YWHAH: variants seen among roughly 807,000 people sequenced by gnomAD.
The protein encoded by YWHAH is 14-3-3 protein eta.
Under a neutral mutation model 22.9 loss-of-function variants are expected in YWHAH, and 6 were observed. That is an observed-to-expected ratio of 0.26 (90% CI 0.14 to 0.52). The LOEUF (loss-of-function observed/expected upper bound fraction) is 0.52, where lower values mean the gene tolerates loss of function less well. Among genes scored for constraint, YWHAH ranks in the 20% least tolerant of loss-of-function variants. YWHAH has a pLI of 0.97. For missense variants in YWHAH, 173 were observed against 308.6 expected, an observed-to-expected ratio of 0.56 and a Z score of 3.29; for synonymous variants, 135 against 124.5, an observed-to-expected ratio of 1.08 and a Z score of -0.56.
chr22:31,950,668 G>A (rs1394766176), intron 1 of YWHAH, among the ~76,000 whole-genome samples: 2 of 152,138 alleles, frequency 1.3e-5, no homozygotes, highest in African/African-American at 2.4e-5. Flanking sequence ...ACCCGAACTT[G>A]CCTGCTCTGA....
In YWHAH at chr22:31,950,448, C is replaced by G. The variant is rs377462601; in HGVS notation, c.87+5628C>G. 2.2e-4 allele frequency: 168 copies of G among 776,594 alleles called. 1 individual carries two copies. The highest frequency in any genetic ancestry group is 5.9e-4 in the South Asian group (44 of 74,326). The allele number at this position is 776,594 out of a possible 1,614,324, so 48.1% of individuals were successfully genotyped here. ...GTGAGTGTTAGCACTTCCAATGATCCGAACCTGGCACAGCTTCTGAAGCCT... is the reference window on the plus strand; with the variant it reads ...GTGAGTGTTAGCACTTCCAATGATCGGAACCTGGCACAGCTTCTGAAGCCT... On this transcript the variant is annotated intron_variant, in intron 1 of 1. Transcript: ENST00000248975.
rs754302886 is a variant in YWHAH, at chr22:31,956,741, C to T, written c.690C>T (p.Leu230=). Residue 230 remains leucine, a synonymous_variant, in exon 2 of 2, where the codon CTC becomes CTT. Transcript: ENST00000248975. The surrounding 1 kb of genome is among the most constrained non-coding windows in gnomAD (Gnocchi z 5.1). ...TCATGCAGTTGCTGCGAGACAACCTCACCCTCTGGACGAGCGACCAGCAGG... is the reference window on the plus strand; with the variant it reads ...TCATGCAGTTGCTGCGAGACAACCTTACCCTCTGGACGAGCGACCAGCAGG... The part of the protein sequence containing the change: ...TLIMQLLRDN[L]TLWTSDQQDE... 2.5e-6 allele frequency: 4 copies of T among 1,612,670 alleles called. No individual in the cohort carries two copies. The highest frequency in any genetic ancestry group is 2.5e-6 in the Non-Finnish European group (3 of 1,179,320).
At chr22:31,953,271 C>G (rs184578817) in intron 1 of YWHAH, among the ~76,000 whole-genome samples, 1 of 152,104 alleles carries the variant, frequency 6.6e-6, no homozygotes, top group African/African-American at 2.4e-5. Context: ...TTGCCTTATG[C>G]TTTGTTTTAT....
intron 1 of YWHAH, among the ~76,000 whole-genome samples, chr22:31,948,650 C>T (rs1428374632): frequency 1.3e-5 from 2 of 152,168 alleles, no homozygotes; most frequent in African/African-American, 2.4e-5. Flanking sequence ...GCTGGGATTA[C>T]AGGAGTGAGC....
At chr22:31,944,970 C>T (rs2093831424) in intron 1 of YWHAH, 150 bp downstream of exon 1, 2 of 1,120,954 alleles carry the variant, frequency 1.8e-6, no homozygotes, top group African/African-American at 1.6e-5. Context: ...GCCCGCGCTT[C>T]CCGCTCCCGC....
rs2093850645 is a variant in YWHAH at position 31,957,184 on chromosome 22, T to G, written c.*392T>G. 1 of 166,104 alleles carries G rather than the reference T, an allele frequency of 6.0e-6. No individual in the cohort carries two copies. Among genetic ancestry groups the G allele is most frequent in the African/African-American group, 2.4e-5 (1 of 41,648 alleles). The allele number at this position is 166,104 out of a possible 1,614,324, so 10.3% of individuals were successfully genotyped here. A position where few individuals can be genotyped will look rare whatever the true frequency, so the allele number is the denominator to read the frequency against. On this transcript the variant is annotated 3_prime_UTR_variant, in exon 2 of 2. Coordinates refer to ENST00000248975, the MANE Select transcript of YWHAH (RefSeq NM_003405.4). ...GTGTTTCGTTAAGCAGTACATCTTG[T>G]GCATGCAAAAATGAATTCACCCCTC...
At chr22:31,954,954 A>T (rs1808165371) in intron 1 of YWHAH, among the ~76,000 whole-genome samples, 1 of 152,200 alleles carries the variant, frequency 6.6e-6, no homozygotes, top group Non-Finnish European at 1.5e-5. Flanking sequence ...GCAAAGTCTA[A>T]TAATGCTCTT....
intron 1 of YWHAH, among the ~76,000 whole-genome samples, chr22:31,946,120 TAC>T (rs1048108927): frequency 6.6e-6 from 1 of 152,192 alleles, no homozygotes; most frequent in Admixed American, 6.5e-5. Context: ...GTGTCCTTGT[TAC>T]ACACATAACT....
intron 1 of YWHAH, among the ~76,000 whole-genome samples, chr22:31,949,158 T>TTTTG (rs2093839370): frequency 7.2e-6 from 1 of 139,014 alleles, no homozygotes. Context: ...TTTTTTTTTT[T>TTTTG]GAGACAGTTT....
chr22:31,954,566 G>C (rs1348485899), intron 1 of YWHAH, among the ~76,000 whole-genome samples: 1 of 152,148 alleles, frequency 6.6e-6, no homozygotes, highest in Non-Finnish European at 1.5e-5. Context: ...TTCTCTCATA[G>C]TTCTGGACGC....
chr22:31,945,506 C>G (rs1023794502), intron 1 of YWHAH: 3 of 1,304,046 alleles, frequency 2.3e-6, no homozygotes, highest in Non-Finnish European at 1.0e-6. Context: ...CTAGGTGAGA[C>G]GAATCTGTGT....
At position 31,956,237 on chromosome 22, in the gene YWHAH, C is replaced by T. The variant is rs1603055763; in HGVS notation, c.186C>T (p.Val62=). 6.2e-7 allele frequency: 1 copy of T among 1,613,966 alleles called. No individual in the cohort carries two copies. The highest frequency in any genetic ancestry group is 1.3e-5 in the African/African-American group (1 of 74,858). The change falls in exon 2 of 2, where the codon GTC becomes GTT. Residue 62 remains valine (V), a synonymous_variant. Transcript: ENST00000248975. This position sits in a 1 kb window ranked among gnomAD's most constrained non-coding sequence, Gnocchi z 5.1. The part of the protein sequence containing the change: ...VVGARRSSWR[V]ISSIEQKTMA... ...GTGCCAGGCGATCTTCCTGGAGGGT[C>T]ATTAGCAGCATTGAGCAGAAAACCA...
chr22:31,947,004 G>GA (rs371341174), intron 1 of YWHAH, among the ~76,000 whole-genome samples: 2 of 151,834 alleles, frequency 1.3e-5, no homozygotes, highest in Admixed American at 1.3e-4. Flanking sequence ...TTCTTTAAAA[G>GA]AAAAAAAAGA....
chr22:31,945,008 G>T, intron 1 of YWHAH, 188 bp downstream of exon 1: 1 of 1,118,016 alleles, frequency 8.9e-7, no homozygotes, highest in South Asian at 4.4e-5. Flanking sequence ...CCTGAGGCTG[G>T]GCCCAGGGTG....
rs537887329 is a variant in YWHAH at position 31,951,574 on chromosome 22, G to A, written c.88-4565G>A. Reference sequence around the variant, plus strand: ...AGTCCCTGTACTGTTTTTGGCAGTGGATCTATTTTTACTCACACACATAGT... The same window carrying A: ...AGTCCCTGTACTGTTTTTGGCAGTGAATCTATTTTTACTCACACACATAGT... On this transcript the variant is annotated intron_variant, in intron 1 of 1. Coordinates refer to ENST00000248975, the MANE Select transcript of YWHAH (RefSeq NM_003405.4). Among the ~76,000 whole-genome samples, 36 of 152,240 alleles carry A rather than the reference G, an allele frequency of 2.4e-4. 1 individual carries two copies. The highest frequency in any genetic ancestry group is 8.2e-4 in the African/African-American group (34 of 41,536).
At chr22:31,945,412 TG>T in intron 1 of YWHAH, 4 of 1,298,172 alleles carry the variant, frequency 3.1e-6, no homozygotes, top group Non-Finnish European at 4.1e-6. Context: ...GGCGGGAGAG[TG>T]GGCGGAGGGT....
At position 31,956,779 on chromosome 22, in the gene YWHAH, G is replaced by C. The variant is rs890584588; in HGVS notation, c.728G>C (p.Gly243Ala). The change falls in exon 2 of 2, where the codon GGA becomes GCA. Residue 243 changes from glycine to alanine, a missense_variant. Transcript: ENST00000248975. The surrounding 1 kb of genome is among the most constrained non-coding windows in gnomAD (Gnocchi z 5.1). ...WTSDQQDEEAGEGN is the reference protein window; with the variant it reads ...WTSDQQDEEAAEGN ...AGCGACCAGCAGGATGAAGAAGCAGGAGAAGGCAACTGAAGATCCTTCAGG... is the reference window on the plus strand; with the variant it reads ...AGCGACCAGCAGGATGAAGAAGCAGCAGAAGGCAACTGAAGATCCTTCAGG... The C allele has an allele frequency of 1.9e-6, 3 of 1,598,956 alleles. No homozygotes were observed. The highest frequency in any genetic ancestry group is 2.6e-6 in the Non-Finnish European group (3 of 1,172,024).
At chr22:31,953,843 G>A (rs1336704355) in intron 1 of YWHAH, among the ~76,000 whole-genome samples, 2 of 139,738 alleles carry the variant, frequency 1.4e-5, no homozygotes, top group Admixed American at 7.2e-5. Flanking sequence ...GACTTTGCCT[G>A]TGTTAAGGGT....
At position 31,944,692 on chromosome 22, in the gene YWHAH, C is replaced by A; in HGVS notation, c.-42C>A. On this transcript the variant is annotated 5_prime_UTR_variant, in exon 1 of 2. Coordinates refer to ENST00000248975, the MANE Select transcript of YWHAH (RefSeq NM_003405.4). ...ACTGACCGGCGGGAGGGCTAGCGAG[C>A]CAGCGGTGTGAGGCGCGAGGCGAGG... 1.5e-6 allele frequency: 2 copies of A among 1,321,790 alleles called. No individual in the cohort carries two copies. The highest frequency in any genetic ancestry group is 2.9e-5 in the Admixed American group (1 of 34,946). The allele number at this position is 1,321,790 out of a possible 1,614,324, so 81.9% of individuals were successfully genotyped here.
Sources: gnomAD v4.1 joint callset for allele counts (sites outside exome capture counted in the v4.1 genomes callset) on GRCh38, gnomAD v4.1.1 for gene constraint, Gnocchi (gnomAD v3.1) non-coding constraint, MANE v1.5 for transcripts, NCBI Gene and HGNC (gene_info 2026-07-23, HGNC 2026-07-21) for gene names.